MEF2C: variants seen among roughly 807,000 people sequenced by gnomAD.
The protein encoded by MEF2C is myocyte enhancer factor 2C.
In MEF2C, 6 loss-of-function variants were observed where a neutral mutation model predicts 50.5. The ratio of observed to expected loss-of-function variants is 0.12; its 90% CI spans 0.07 to 0.23. The LOEUF (loss-of-function observed/expected upper bound fraction) is 0.23, where lower values mean the gene tolerates loss of function less well. MEF2C is among the 10% of genes least tolerant of loss of function. The pLI, the probability that MEF2C is intolerant of heterozygous loss-of-function variation, is 1.00. For missense variants in MEF2C, 276 were observed against 605.0 expected, an observed-to-expected ratio of 0.46 and a Z score of 5.70; for synonymous variants, 183 against 228.0, an observed-to-expected ratio of 0.80 and a Z score of 1.78.
At chr5:88,788,581 T>G (rs1445100198) in intron 3 of MEF2C, among the ~76,000 whole-genome samples, 1 of 152,200 alleles carries the variant, frequency 6.6e-6, no homozygotes, top group African/African-American at 2.4e-5. Flanking sequence ...ACAGAGGGTT[T>G]CTTTCATAAT....
chr5:88,724,634 TA>T (rs1435401523), intron 10 of MEF2C, among the ~76,000 whole-genome samples: 1 of 152,156 alleles, frequency 6.6e-6, no homozygotes, highest in African/African-American at 2.4e-5. Context: ...CTTATTAATT[TA>T]TAGTCTATCA....
chr5:88,856,872 A>T (rs1823608562), intron 1 of MEF2C, among the ~76,000 whole-genome samples: 2 of 152,348 alleles, frequency 1.3e-5, no homozygotes, highest in African/African-American at 4.8e-5. Flanking sequence ...GGCAATGCAG[A>T]AGGGAAATAT....
At chr5:88,801,053 C>T (rs1259932124) in intron 3 of MEF2C, among the ~76,000 whole-genome samples, 27 of 152,000 alleles carry the variant, frequency 1.8e-4, no homozygotes, top group Admixed American at 1.8e-3. Flanking sequence ...TTTTCAACAC[C>T]CACGCACTGC....
intron 3 of MEF2C, among the ~76,000 whole-genome samples, chr5:88,802,951 C>T (rs774243248): frequency 6.6e-6 from 1 of 152,136 alleles, no homozygotes; most frequent in Non-Finnish European, 1.5e-5. Flanking sequence ...TAAATTCCAA[C>T]TCAAATTCTT....
chr5:88,845,351 T>C (rs775888289), intron 1 of MEF2C, among the ~76,000 whole-genome samples: 5 of 152,228 alleles, frequency 3.3e-5, no homozygotes, highest in African/African-American at 4.8e-5. Flanking sequence ...CACTGTTCAT[T>C]TCCTGCATTG....
Position 88,718,948 on chromosome 5 carries a change from C to A in MEF2C, c.*3656G>T, listed in dbSNP as rs1755384311. 6.6e-6 allele frequency: 1 copy of A among 152,168 alleles called. No homozygotes were observed. The highest frequency in any genetic ancestry group is 2.4e-5 in the African/African-American group (1 of 41,438). 9.4% of individuals were successfully genotyped at this position (152,168 alleles called of 1,614,324 possible). A position where few individuals can be genotyped will look rare whatever the true frequency, so the allele number is the denominator to read the frequency against. On this transcript the variant is annotated 3_prime_UTR_variant, in exon 11 of 11. Transcript: ENST00000504921. ...CGCCATAAAAGTGACGACATCACGG[C>A]AGATGGCACAAATGAGAACAGATGA...
At chr5:88,789,898 T>C (rs754276161) in intron 3 of MEF2C, among the ~76,000 whole-genome samples, 3 of 152,218 alleles carry the variant, frequency 2.0e-5, no homozygotes, top group Non-Finnish European at 4.4e-5. Context: ...CTGACTTTGA[T>C]TAAGTCTTTT....
chr5:88,877,210 C>T (rs1051527036), intron 1 of MEF2C, among the ~76,000 whole-genome samples: 8 of 151,888 alleles, frequency 5.3e-5, no homozygotes, highest in African/African-American at 1.7e-4. Context: ...CTTGTAATGT[C>T]GTCAATTTCC....
At chr5:88,756,352 C>T (rs1580170929) in intron 4 of MEF2C, among the ~76,000 whole-genome samples, 1 of 152,272 alleles carries the variant, frequency 6.6e-6, no homozygotes, top group South Asian at 2.1e-4. Context: ...TTATTTCCAT[C>T]TTTATGTCCA....
chr5:88,741,074 T>C (rs1766512736), intron 6 of MEF2C: 1 of 985,316 alleles, frequency 1.0e-6, no homozygotes, highest in Non-Finnish European at 1.2e-6. Flanking sequence ...ACTGTACTGC[T>C]CTCACATTCT....
intron 3 of MEF2C, among the ~76,000 whole-genome samples, chr5:88,796,789 C>T (rs1362749569): frequency 6.6e-6 from 1 of 152,162 alleles, no homozygotes; most frequent in East Asian, 1.9e-4. Flanking sequence ...CTAAACACTG[C>T]TTTAGTTGTG....
intron 3 of MEF2C, among the ~76,000 whole-genome samples, chr5:88,777,075 T>C (rs947471958): frequency 3.9e-5 from 6 of 152,198 alleles, no homozygotes; most frequent in Non-Finnish European, 8.8e-5. Flanking sequence ...TTAAATTAGG[T>C]ATTTCAATTT....
At chr5:88,864,139 GT>G (rs75251768) in intron 1 of MEF2C, among the ~76,000 whole-genome samples, 15 of 54,256 alleles carry the variant, frequency 2.8e-4, no homozygotes, top group African/African-American at 5.6e-4. Context: ...CATGTTTTCT[GT>G]TTTTTTTTTT....
intron 1 of MEF2C, among the ~76,000 whole-genome samples, chr5:88,873,378 C>T (rs1830111429): frequency 6.6e-6 from 1 of 151,990 alleles, no homozygotes; most frequent in African/African-American, 2.4e-5. Flanking sequence ...TTCTGTCGCC[C>T]ATGTGTAGTC....
intron 1 of MEF2C, among the ~76,000 whole-genome samples, chr5:88,844,038 C>T (rs1818432750): frequency 6.6e-6 from 1 of 152,134 alleles, no homozygotes; most frequent in South Asian, 2.1e-4. Flanking sequence ...TCTTGATCTC[C>T]TGACCTCGTG....
At chr5:88,798,194 A>T (rs993560839) in intron 3 of MEF2C, among the ~76,000 whole-genome samples, 6 of 152,170 alleles carry the variant, frequency 3.9e-5, no homozygotes, top group African/African-American at 1.4e-4. Flanking sequence ...CTGTCTTGCT[A>T]GGTTGGGGAA....
chr5:88,869,296 C>CATATATATATATATATATATATATAT (rs1561421061), intron 1 of MEF2C, among the ~76,000 whole-genome samples: 1 of 104,870 alleles, frequency 9.5e-6, no homozygotes, highest in Non-Finnish European at 1.9e-5. Flanking sequence ...TATATATATA[C>CATATATATATATATATATATATATAT]ACATATATAT....
intron 3 of MEF2C, among the ~76,000 whole-genome samples, chr5:88,767,054 T>C (rs1780360016): frequency 6.6e-6 from 1 of 152,236 alleles, no homozygotes; most frequent in Admixed American, 6.5e-5. Context: ...AGTGTTTCCA[T>C]ATTGGTGTGC....
At chr5:88,882,310 A>T (rs1481240073) in intron 1 of MEF2C, among the ~76,000 whole-genome samples, 3 of 152,190 alleles carry the variant, frequency 2.0e-5, no homozygotes, top group African/African-American at 7.2e-5. Flanking sequence ...ACAGCAATCC[A>T]TATGCTGAAA....
Sources: allele counts gnomAD v4.1 joint callset (sites outside exome capture counted in the v4.1 genomes callset), GRCh38; gene constraint gnomAD v4.1.1; transcripts MANE v1.5; gene names NCBI Gene and HGNC (gene_info 2026-07-23, HGNC 2026-07-21).